The following RBM38 variants were observed in gnomAD, a reference collection of about 807,000 sequenced individuals.
RBM38 encodes the protein RNA binding motif protein 38, also known as RNA-binding protein 38.
A neutral mutation model predicts 23.5 loss-of-function variants in RBM38; 11 were observed. The ratio of observed to expected loss-of-function variants is 0.47; its 90% CI spans 0.29 to 0.77. The LOEUF is 0.77. Ranked by LOEUF, RBM38 falls within the 30% of genes least tolerant of loss-of-function variation. The pLI, the probability that RBM38 is intolerant of heterozygous loss-of-function variation, is 0.08. For missense variants in RBM38, 330 were observed against 351.9 expected (o/e 0.94, Z 0.50); for synonymous variants, 165 against 166.1 (o/e 0.99, Z 0.05).
rs762156310 is a variant in RBM38, at chr20:57,407,589, G to T, written c.463G>T (p.Val155Leu). 1 of 1,613,740 alleles carries T rather than the reference G, an allele frequency of 6.2e-7. No homozygotes were observed. Among genetic ancestry groups the T allele is most frequent in the Non-Finnish European group, 8.5e-7 (1 of 1,179,866 alleles). Residue 155 changes from valine (V) to leucine (L), a missense_variant, in exon 4 of 4, where the codon GTG becomes TTG. Coordinates refer to ENST00000356208, the MANE Select transcript of RBM38 (RefSeq NM_017495.6). The surrounding 1 kb of genome is among the most constrained non-coding windows in gnomAD (Gnocchi z 4.0). ...IYPPAIVQPS[V>L]VIPAAPVPSL... ...CCCACCAGCCATCGTGCAGCCCAGC[G>T]TGGTGATCCCAGCCGCCCCTGTCCC...
rs1267005402 is a variant in RBM38, at chr20:57,407,469, G to A, written c.417-74G>A. On this transcript the variant is annotated intron_variant, in intron 3 of 3. Transcript: ENST00000356208. The surrounding 1 kb of genome is among the most constrained non-coding windows in gnomAD (Gnocchi z 4.0). ...CTCGGGGTGGGGGGCGGCACGCATC[G>A]TGTACCCCACTGTTCTCCCAGCTGT... 9.3e-6 allele frequency: 14 copies of A among 1,501,764 alleles called. No homozygotes were observed. Among genetic ancestry groups the A allele is most frequent in the Non-Finnish European group, 1.2e-5 (13 of 1,102,234 alleles). 93.0% of individuals were successfully genotyped at this position (1,501,764 alleles called of 1,614,324 possible).
Position 57,392,634 on chromosome 20 carries a change from A to T in RBM38, c.238-20A>T. On this transcript the variant is annotated intron_variant, in intron 1 of 3. Transcript: ENST00000356208. ...CTGGTTCCCCCCACGGCAGCCCCTG[A>T]TGTGTCTCTGCTCCACCAGGTGACC... The T allele has an allele frequency of 1.2e-6, 2 of 1,606,812 alleles. No homozygotes were observed. Among genetic ancestry groups the T allele is most frequent in the Non-Finnish European group, 8.5e-7 (1 of 1,177,214 alleles).
intron 3 of RBM38, among the ~76,000 whole-genome samples, chr20:57,399,655 G>C (rs550872964): frequency 2.6e-5 from 4 of 152,326 alleles, no homozygotes; most frequent in Admixed American, 2.0e-4. Flanking sequence ...CAGAGAGGGC[G>C]TTCGACCTGT....
At position 57,391,533 on chromosome 20, in the gene RBM38, T is replaced by C. The variant is rs1171468261; in HGVS notation, c.-49T>C. On this transcript the variant is annotated 5_prime_UTR_variant, in exon 1 of 4. The change abolishes an upstream ATG in the 5' untranslated region. Transcript: ENST00000356208. ...CCCGCGCGCTCCCCGCCGCCCCCCA[T>C]GAGCGCAGCCCCGCGCGGCCCGGGT... 4 of 663,242 alleles carry C rather than the reference T, an allele frequency of 6.0e-6. No homozygotes were observed. The highest frequency in any genetic ancestry group is 5.6e-6 in the Non-Finnish European group (3 of 531,766). 41.1% of individuals were successfully genotyped at this position (663,242 alleles called of 1,614,324 possible). A position where few individuals can be genotyped will look rare whatever the true frequency, so the allele number is the denominator to read the frequency against.
At chr20:57,399,845 C>T (rs181404273) in intron 3 of RBM38, 97 of 455,834 alleles carry the variant, frequency 2.1e-4, no homozygotes, top group African/African-American at 1.5e-3. Context: ...AGCTGCGGTC[C>T]GTCTCTGCCG....
intron 1 of RBM38, chr20:57,392,228 A>G (rs2067227028): frequency 2.9e-6 from 1 of 349,828 alleles, no homozygotes; most frequent in African/African-American, 2.2e-5. Flanking sequence ...CAGCCGCCCC[A>G]AATAAACATC....
intron 3 of RBM38, among the ~76,000 whole-genome samples, chr20:57,404,560 G>A (rs1366144470): frequency 1.3e-5 from 2 of 152,242 alleles, no homozygotes; most frequent in South Asian, 4.1e-4. Context: ...CCCAAGGGAG[G>A]CCTCCGAGAC....
intron 3 of RBM38, among the ~76,000 whole-genome samples, chr20:57,394,465 C>T (rs2067254131): frequency 6.6e-6 from 1 of 152,126 alleles, no homozygotes; most frequent in African/African-American, 2.4e-5. Context: ...TGGATGTGTG[C>T]AAGTGTAGCA....
chr20:57,402,726 G>C (rs958048001), intron 3 of RBM38, among the ~76,000 whole-genome samples: 4 of 152,256 alleles, frequency 2.6e-5, no homozygotes, highest in African/African-American at 9.6e-5. Flanking sequence ...GGCCGGGGCG[G>C]GGCCGCCCTT....
At position 57,400,440 on chromosome 20, in the gene RBM38, C is replaced by T. The variant is rs1276226155; in HGVS notation, c.417-7103C>T. On this transcript the variant is annotated intron_variant, in intron 3 of 3. Coordinates refer to ENST00000356208, the MANE Select transcript of RBM38 (RefSeq NM_017495.6). ...GCTCCTCCTGCATGCCCAACCCTCC[C>T]GGCATGGCCTGGCCTTTCCAGCCCT... Among the ~76,000 whole-genome samples, 6 of 152,152 alleles carry T rather than the reference C, an allele frequency of 3.9e-5. No individual in the cohort carries two copies. The East Asian group carries it at 9.6e-4, about 24-fold the overall frequency.
intron 3 of RBM38, among the ~76,000 whole-genome samples, chr20:57,396,793 T>G (rs2067279180): frequency 6.6e-6 from 1 of 152,228 alleles, no homozygotes; most frequent in Non-Finnish European, 1.5e-5. Flanking sequence ...TCTGTGAGTC[T>G]CTTGGACCTT....
intron 3 of RBM38, among the ~76,000 whole-genome samples, chr20:57,397,144 G>A (rs902271191): frequency 1.3e-5 from 2 of 151,686 alleles, no homozygotes; most frequent in East Asian, 1.9e-4. Flanking sequence ...GAGTGAGAAC[G>A]GTCACACTGC....
In RBM38 at chr20:57,407,010, AC is replaced by A. The variant is rs753667678; in HGVS notation, c.417-532del. Among the ~76,000 whole-genome samples the A allele has an allele frequency of 0.02, 2,933 of 149,040 alleles. 48 individuals carry two copies. Among genetic ancestry groups the A allele is most frequent in the Non-Finnish European group, 0.033 (2,221 of 67,300 alleles). ...CTCTGTCTCAAAAAAAAAAAAAAAA[AC>A]AAACCCTGTGAGGAGCAGGTGTTGG... On this transcript the variant is annotated intron_variant, in intron 3 of 3. Transcript: ENST00000356208. This position sits in a 1 kb window ranked among gnomAD's most constrained non-coding sequence, Gnocchi z 4.0.
rs557078276 is a variant in RBM38, at chr20:57,394,030, G to A, written c.416+697G>A. On this transcript the variant is annotated intron_variant, in intron 3 of 3. Coordinates refer to ENST00000356208, the MANE Select transcript of RBM38 (RefSeq NM_017495.6). ...AGGGATACAAAGAGTCCTGCCTTGC[G>A]GCCTGCCTCCCCACCCCCATGATGG... is the stretch of plus-strand genomic sequence containing the variant. Among the ~76,000 whole-genome samples, 6 of 152,142 alleles carry A rather than the reference G, an allele frequency of 3.9e-5. No homozygotes were observed. In the East Asian group the frequency reaches 9.7e-4, roughly 25 times the overall value.
At chr20:57,405,577 T>A (rs182200643) in intron 3 of RBM38, among the ~76,000 whole-genome samples, 12 of 152,288 alleles carry the variant, frequency 7.9e-5, no homozygotes, top group Non-Finnish European at 4.4e-5. Context: ...GTAGAGAGGG[T>A]GACGCAGTGT....
chr20:57,397,997 A>G (rs1432589811), intron 3 of RBM38, among the ~76,000 whole-genome samples: 1 of 152,110 alleles, frequency 6.6e-6, no homozygotes, highest in South Asian at 2.1e-4. Context: ...ACTACACATG[A>G]CATGTAAGAA....
chr20:57,394,043 A>T (rs573756495), intron 3 of RBM38, among the ~76,000 whole-genome samples: 1 of 151,990 alleles, frequency 6.6e-6, no homozygotes, highest in African/African-American at 2.4e-5. Flanking sequence ...CTGCCTCCCC[A>T]CCCCCATGAT....
At chr20:57,400,216 C>T (rs1036347621) in intron 3 of RBM38, among the ~76,000 whole-genome samples, 3 of 152,188 alleles carry the variant, frequency 2.0e-5, no homozygotes, top group Admixed American at 2.0e-4. Flanking sequence ...GGGCTTGGGG[C>T]TCTTCCTGCC....
chr20:57,393,150 G>A, intron 2 of RBM38, 129 bp from the exon 3 acceptor site: 1 of 912,890 alleles, frequency 1.1e-6, no homozygotes, highest in Non-Finnish European at 1.8e-6. Context: ...AGGCCTGGGA[G>A]GGGAGAGGAA....
Sources: gnomAD v4.1 joint callset for allele counts (sites outside exome capture counted in the v4.1 genomes callset) on GRCh38, gnomAD v4.1.1 for gene constraint, Gnocchi (gnomAD v3.1) non-coding constraint, MANE v1.5 for transcripts, NCBI Gene and HGNC (gene_info 2026-07-23, HGNC 2026-07-21) for gene names.